Variants in RBFOX1 observed in about 807,000 individuals in gnomAD.
The protein encoded by RBFOX1 is RNA binding protein fox-1 homolog 1.
In RBFOX1, 8 loss-of-function variants were observed where a neutral mutation model predicts 57.7. That is an observed-to-expected ratio of 0.14 (90% CI 0.08 to 0.25). The LOEUF is 0.25. RBFOX1 is among the 10% of genes least tolerant of loss of function. The pLI is 1.00. For missense variants in RBFOX1, 611 were observed against 548.5 expected (o/e 1.11, Z -1.14); for synonymous variants, 326 against 222.4 (o/e 1.47, Z -4.15).
chr16:6,839,017 C>G (rs904118453), intron 3 of RBFOX1, among the ~76,000 whole-genome samples: 1 of 151,704 alleles, frequency 6.6e-6, no homozygotes, highest in East Asian at 1.9e-4. Context: ...CCGAGTCTTG[C>G]TCTGTCGACG....
At chr16:6,407,689 A>G (rs542923510) in intron 2 of RBFOX1, among the ~76,000 whole-genome samples, 1 of 152,262 alleles carries the variant, frequency 6.6e-6, no homozygotes, top group South Asian at 2.1e-4. Flanking sequence ...TTAAACAAAA[A>G]TATCTTGAAT....
chr16:6,916,860 G>T lies in RBFOX1; in HGVS notation c.-15-135197G>T, dbSNP rs543919658. On this transcript the variant is annotated intron_variant, in intron 3 of 15. Coordinates refer to ENST00000550418, the MANE Select transcript of RBFOX1 (RefSeq NM_018723.4). ...TTTATTTGTTTGTTTTTGTTTTTTT[G>T]TGTGTATAAGATGGAGTCTCTCTCT... 9.2e-5 allele frequency among the ~76,000 whole-genome samples: 14 copies of T among 151,736 alleles called. No individual in the cohort carries two copies. In the East Asian group the frequency reaches 9.7e-4, roughly 10 times the overall value.
At chr16:5,573,031 C>T (rs2046336247) in intron 2 of RBFOX1, among the ~76,000 whole-genome samples, 1 of 152,004 alleles carries the variant, frequency 6.6e-6, no homozygotes, top group Non-Finnish European at 1.5e-5. Context: ...TACAGAGGGC[C>T]ATATGGGGCA....
intron 1 of RBFOX1, among the ~76,000 whole-genome samples, chr16:6,216,801 C>A (rs1316872250): frequency 6.6e-6 from 1 of 152,054 alleles, no homozygotes; most frequent in Non-Finnish European, 1.5e-5. Context: ...GTATATGCCT[C>A]CGAATGATTT....
At chr16:7,037,458 AT>A (rs1431137714) in intron 3 of RBFOX1, among the ~76,000 whole-genome samples, 1 of 151,990 alleles carries the variant, frequency 6.6e-6, no homozygotes, top group Non-Finnish European at 1.5e-5. Flanking sequence ...GCTCTGGTTC[AT>A]AAACCTCTGA....
chr16:6,779,829 TTTTATATATTTATATATATATTTA>T (rs1567208800), intron 3 of RBFOX1, among the ~76,000 whole-genome samples: 121 of 3,890 alleles, frequency 0.031, 6 homozygotes, highest in African/African-American at 0.11. Flanking sequence ...TTATATATAT[TTTTATATATTTATATATATATTTA>T]TATATATTTA....
chr16:5,587,631 A>G (rs1038636167), intron 2 of RBFOX1, among the ~76,000 whole-genome samples: 1 of 152,162 alleles, frequency 6.6e-6, no homozygotes, highest in Non-Finnish European at 1.5e-5. Flanking sequence ...GAGGATCACT[A>G]GAACCCAGGA....
intron 2 of RBFOX1, among the ~76,000 whole-genome samples, chr16:6,342,352 A>C (rs1416268792): frequency 1.3e-5 from 2 of 152,176 alleles, no homozygotes; most frequent in Non-Finnish European, 2.9e-5. Context: ...TGAATTAGAG[A>C]TAGATTAAAA....
intron 2 of RBFOX1, among the ~76,000 whole-genome samples, chr16:6,455,410 G>T (rs1346392097): frequency 1.3e-5 from 2 of 152,088 alleles, no homozygotes; most frequent in African/African-American, 4.8e-5. Context: ...CAGAGAGAAG[G>T]CATTTCCTCT....
intron 1 of RBFOX1, among the ~76,000 whole-genome samples, chr16:6,194,531 C>T (rs920938187): frequency 2.0e-5 from 3 of 152,142 alleles, no homozygotes; most frequent in East Asian, 3.9e-4. Flanking sequence ...GTACTCATTT[C>T]TCTGTCTTTA....
intron 4 of RBFOX1, among the ~76,000 whole-genome samples, chr16:7,111,646 A>T (rs7196895): frequency 0.87 from 133,033 of 152,182 alleles, 58,555 homozygotes; most frequent in East Asian, 1. Context: ...AGTATTTGCT[A>T]GGATTGAAAT....
intron 3 of RBFOX1, among the ~76,000 whole-genome samples, chr16:6,887,257 G>A (rs1269574931): frequency 6.6e-6 from 1 of 152,146 alleles, no homozygotes; most frequent in African/African-American, 2.4e-5. Flanking sequence ...TGTATTTTGA[G>A]AACTGTGTTA....
intron 4 of RBFOX1, among the ~76,000 whole-genome samples, chr16:7,502,220 G>A (rs1370326219): frequency 6.6e-6 from 1 of 152,094 alleles, no homozygotes; most frequent in African/African-American, 2.4e-5. Flanking sequence ...CTACAAGTGA[G>A]GCGAATGCAA....
intron 4 of RBFOX1, among the ~76,000 whole-genome samples, chr16:7,432,221 A>C (rs2098687732): frequency 6.6e-6 from 1 of 152,182 alleles, no homozygotes; most frequent in African/African-American, 2.4e-5. Context: ...CTTAGTTTTC[A>C]TCCTTGTCTT....
chr16:5,856,979 T>C (rs1482870078), intron 3 of RBFOX1, among the ~76,000 whole-genome samples: 3 of 152,152 alleles, frequency 2.0e-5, no homozygotes, highest in Non-Finnish European at 2.9e-5. Flanking sequence ...GGATAACTGT[T>C]TGGGGGAAGA....
chr16:5,559,423 T>G (rs2045806643), intron 2 of RBFOX1, among the ~76,000 whole-genome samples: 1 of 152,144 alleles, frequency 6.6e-6, no homozygotes, highest in Non-Finnish European at 1.5e-5. Flanking sequence ...GGCTAATACA[T>G]GAGGAAATAG....
At chr16:5,378,706 G>A (rs546150086) in intron 1 of RBFOX1, among the ~76,000 whole-genome samples, 6 of 151,538 alleles carry the variant, frequency 4.0e-5, no homozygotes, top group East Asian at 3.9e-4. Context: ...CGATGGACTC[G>A]GATATTCCCA....
chr16:5,378,346 C>G (rs985914027), intron 1 of RBFOX1, among the ~76,000 whole-genome samples: 3 of 151,556 alleles, frequency 2.0e-5, no homozygotes, highest in African/African-American at 7.3e-5. Context: ...GACTCTCGCT[C>G]TCCAACACCT....
At chr16:5,539,545 G>T (rs1567208184) in intron 2 of RBFOX1, among the ~76,000 whole-genome samples, 1 of 152,028 alleles carries the variant, frequency 6.6e-6, no homozygotes, top group Non-Finnish European at 1.5e-5. Flanking sequence ...AGGTTATAGT[G>T]AGCCAAGATC....
Sources: allele counts gnomAD v4.1 joint callset (sites outside exome capture counted in the v4.1 genomes callset), GRCh38; gene constraint gnomAD v4.1.1; transcripts MANE v1.5; gene names NCBI Gene and HGNC (gene_info 2026-07-23, HGNC 2026-07-21).